The following TMCC1 variants were observed in gnomAD, a reference collection of about 807,000 sequenced individuals.
TMCC1 encodes transmembrane and coiled-coil domains protein 1.
Under a neutral mutation model 52.4 loss-of-function variants are expected in TMCC1, and 15 were observed. The ratio of observed to expected loss-of-function variants is 0.29; its 90% confidence interval spans 0.19 to 0.44. The LOEUF (loss-of-function observed/expected upper bound fraction) is 0.44. TMCC1 is among the 20% of genes least tolerant of loss of function. The pLI is 1.00. For missense variants in TMCC1, 503 were observed against 806.0 expected (o/e 0.62, Z 4.55); for synonymous variants, 279 against 301.9 (o/e 0.92, Z 0.79).
At chr3:129,778,481 A>G (rs899835879) in intron 4 of TMCC1, among the ~76,000 whole-genome samples, 2 of 152,218 alleles carry the variant, frequency 1.3e-5, no homozygotes, top group Non-Finnish European at 2.9e-5. Flanking sequence ...GTTGAATTTC[A>G]TAATTCCTAT....
At chr3:129,671,405 A>T in intron 4 of TMCC1, 141 bp from the exon 5 acceptor site, 1 of 869,520 alleles carries the variant, frequency 1.2e-6, no homozygotes, top group South Asian at 1.8e-5. Context: ...GTCCTATGCC[A>T]GCCCTGTCTC....
intron 4 of TMCC1, among the ~76,000 whole-genome samples, chr3:129,793,576 A>G (rs1221441565): frequency 1.3e-5 from 2 of 152,172 alleles, no homozygotes; most frequent in African/African-American, 4.8e-5. Flanking sequence ...CTCAACTCTT[A>G]CCACACCTCT....
At position 129,830,989 on chromosome 3, in the gene TMCC1, C is replaced by T. The variant is rs571079227; in HGVS notation, c.-131+1785G>A. On this transcript the variant is annotated intron_variant, in intron 3 of 6. Transcript: ENST00000393238. ...TTGCTCTTTCACCCAGGCTGGAGCG[C>T]AGTGGCACAATCTCAGCTCACTGCA... Among the ~76,000 whole-genome samples, 8 of 152,308 alleles carry T rather than the reference C, an allele frequency of 5.3e-5. No homozygotes were observed. The East Asian group carries it at 1.5e-3, about 29-fold the overall frequency.
At position 129,750,675 on chromosome 3, in the gene TMCC1, C is replaced by T. The variant is rs373625073; in HGVS notation, c.576+77128G>A. On this transcript the variant is annotated intron_variant, in intron 4 of 6. Transcript: ENST00000393238. ...CTGCAAACTCCACCTCCCGGGTTCA[C>T]GCCATTCTCCTGCCTCAGCCTCCCG... Among the ~76,000 whole-genome samples the T allele has an allele frequency of 5.5e-5, 8 of 145,448 alleles. No homozygotes were observed. The East Asian group carries it at 1.5e-3, about 27-fold the overall frequency.
rs138343726 is a variant in TMCC1, at chr3:129,788,248, C to T, written c.576+39555G>A. Among the ~76,000 whole-genome samples the T allele has an allele frequency of 2.2e-4, 33 of 152,160 alleles. No homozygotes were observed. In the East Asian group the frequency reaches 4.6e-3, roughly 21 times the overall value. ...TATCTTCTCTGGGTAGCATATTTTG[C>T]TCTCTCAGGTCTACATGGTCAACAA... On this transcript the variant is annotated intron_variant, in intron 4 of 6. Coordinates refer to ENST00000393238, the MANE Select transcript of TMCC1 (RefSeq NM_001017395.5).
At chr3:129,666,792 T>C (rs988115447) in intron 5 of TMCC1, among the ~76,000 whole-genome samples, 8 of 151,764 alleles carry the variant, frequency 5.3e-5, no homozygotes, top group African/African-American at 1.5e-4. Flanking sequence ...AAGCCAGGCA[T>C]GGTGGCATGC....
intron 2 of TMCC1, among the ~76,000 whole-genome samples, chr3:129,878,179 G>C (rs1033039606): frequency 6.8e-6 from 1 of 147,200 alleles, no homozygotes; most frequent in Non-Finnish European, 1.5e-5. Context: ...CGCCAGGCTG[G>C]TCTTGAACTC....
intron 4 of TMCC1, among the ~76,000 whole-genome samples, chr3:129,759,705 C>T (rs1427043006): frequency 5.6e-5 from 8 of 142,056 alleles, no homozygotes; most frequent in Non-Finnish European, 7.5e-5. Flanking sequence ...CTGCAGCCAG[C>T]CAAACTTTTT....
At chr3:129,715,089 C>T (rs1219890640) in intron 4 of TMCC1, among the ~76,000 whole-genome samples, 3 of 152,188 alleles carry the variant, frequency 2.0e-5, no homozygotes, top group Non-Finnish European at 4.4e-5. Flanking sequence ...ACAGTTAACA[C>T]ATACACACCC....
chr3:129,723,360 CTTTTTTTT>C (rs62761061), intron 4 of TMCC1, among the ~76,000 whole-genome samples: 26 of 105,630 alleles, frequency 2.5e-4, no homozygotes, highest in African/African-American at 6.8e-4. Flanking sequence ...AAATCTTTTT[CTTTTTTTT>C]TTTTTTTTTT....
intron 2 of TMCC1, among the ~76,000 whole-genome samples, chr3:129,863,031 C>T (rs2060464547): frequency 6.6e-6 from 1 of 152,126 alleles, no homozygotes; most frequent in South Asian, 2.1e-4. Context: ...TGTCAAGATT[C>T]GTTTTCATTG....
chr3:129,850,335 C>T (rs1167477326), intron 2 of TMCC1, among the ~76,000 whole-genome samples: 1 of 152,140 alleles, frequency 6.6e-6, no homozygotes, highest in Non-Finnish European at 1.5e-5. Flanking sequence ...ATTTTATACC[C>T]AACACACTGA....
chr3:129,867,767 A>T (rs1428645182), intron 2 of TMCC1, among the ~76,000 whole-genome samples: 1 of 152,206 alleles, frequency 6.6e-6, no homozygotes, highest in Non-Finnish European at 1.5e-5. Context: ...GCCATAGTAG[A>T]AATAAGTTTT....
intron 4 of TMCC1, among the ~76,000 whole-genome samples, chr3:129,700,293 T>TA (rs755782164): frequency 6.6e-6 from 1 of 152,040 alleles, no homozygotes; most frequent in African/African-American, 2.4e-5. Context: ...ATCTGGGTAA[T>TA]AAAAAAGACA....
At chr3:129,661,238 C>A (rs2087002796) in intron 5 of TMCC1, among the ~76,000 whole-genome samples, 1 of 152,078 alleles carries the variant, frequency 6.6e-6, no homozygotes, top group African/African-American at 2.4e-5. Flanking sequence ...CCAATCTGGG[C>A]AAAATAGCAA....
chr3:129,860,943 G>C (rs2060362744), intron 2 of TMCC1: 1 of 152,068 alleles, frequency 6.6e-6, no homozygotes, highest in African/African-American at 2.4e-5. Flanking sequence ...CACTAACCTA[G>C]GAATGTGTGG....
intron 2 of TMCC1, among the ~76,000 whole-genome samples, chr3:129,866,243 C>CATATATATAATATATATTATACATATATA (rs2060623048): frequency 2.8e-5 from 4 of 143,542 alleles, no homozygotes; most frequent in African/African-American, 7.7e-5. Flanking sequence ...TACATACATA[C>CATATATATAATATATATTATACATATATA]ATATATATAA....
intron 6 of TMCC1, among the ~76,000 whole-genome samples, chr3:129,653,050 A>G (rs756462724): frequency 1.3e-5 from 2 of 152,112 alleles, no homozygotes; most frequent in Admixed American, 6.5e-5. Context: ...GTATCACACT[A>G]TAGGAATCGA....
At chr3:129,767,169 C>T (rs545158318) in intron 4 of TMCC1, among the ~76,000 whole-genome samples, 38 of 149,688 alleles carry the variant, frequency 2.5e-4, no homozygotes, top group African/African-American at 9.4e-4. Context: ...GCTGAGGCAA[C>T]AGAATCGCTT....
Sources: allele counts gnomAD v4.1 joint callset (sites outside exome capture counted in the v4.1 genomes callset), GRCh38; gene constraint gnomAD v4.1.1; transcripts MANE v1.5; gene names NCBI Gene and HGNC (gene_info 2026-07-23, HGNC 2026-07-21).